NCALD: variants seen among roughly 807,000 people sequenced by gnomAD.
NCALD encodes neurocalcin delta.
In NCALD, 10 loss-of-function variants were observed where a neutral mutation model predicts 18.6. That is an observed-to-expected ratio of 0.54 (90% CI 0.33 to 0.91). The LOEUF (loss-of-function observed/expected upper bound fraction) is 0.91. Ranked by LOEUF, NCALD falls within the 40% of genes least tolerant of loss-of-function variation. The probability of loss-of-function intolerance (pLI) is 0.03; values close to 1 mark genes in which losing one functional copy is unlikely to be tolerated. For missense variants in NCALD, 184 were observed against 247.6 expected, an observed-to-expected ratio of 0.74 and a Z score of 1.72; for synonymous variants, 88 against 87.4, an observed-to-expected ratio of 1.01 and a Z score of -0.04.
chr8:101,903,065 C>G (rs1241324015), intron 3 of NCALD, among the ~76,000 whole-genome samples: 1 of 152,192 alleles, frequency 6.6e-6, no homozygotes, highest in Non-Finnish European at 1.5e-5. Context: ...TATGCGTGCT[C>G]CTTCCATCCC....
upstream of NCALD, among the ~76,000 whole-genome samples, chr8:101,792,717 G>T (rs1186394577): frequency 6.6e-6 from 1 of 152,108 alleles, no homozygotes; most frequent in African/African-American, 2.4e-5. Flanking sequence ...TACCCTTCTA[G>T]CTTTCCCTGG....
chr8:101,788,295 G>C (rs1318134938), intron 1 of NCALD, among the ~76,000 whole-genome samples: 8 of 152,034 alleles, frequency 5.3e-5, no homozygotes. Flanking sequence ...AACTTGGTTG[G>C]GAAAAATATT....
intron 1 of NCALD, among the ~76,000 whole-genome samples, chr8:101,730,221 C>G (rs1037504113): frequency 1.3e-5 from 2 of 152,080 alleles, no homozygotes; most frequent in Non-Finnish European, 2.9e-5. Flanking sequence ...GTGGCTCATG[C>G]CTCTAATCTC....
In NCALD at chr8:101,815,285, G is replaced by T. The variant is rs761072155; in HGVS notation, c.-20+71856C>A. Among the ~76,000 whole-genome samples, 144 of 152,014 alleles carry T rather than the reference G, an allele frequency of 9.5e-4. 1 individual carries two copies. Among genetic ancestry groups the T allele is most frequent in the Non-Finnish European group, 2.8e-4 (19 of 67,974 alleles). ...AGTGGACAAATAGATCAATGGAACAGAATAGAGACCTCAAAAATAGACCCA... is the reference window on the plus strand; with the variant it reads ...AGTGGACAAATAGATCAATGGAACATAATAGAGACCTCAAAAATAGACCCA... On this transcript the variant is annotated intron_variant, in intron 4 of 6. Transcript: ENST00000311028.
chr8:101,794,391 G>GA (rs1462402525), upstream of NCALD, among the ~76,000 whole-genome samples: 1 of 152,056 alleles, frequency 6.6e-6, no homozygotes, highest in African/African-American at 2.4e-5. Context: ...ATAGGGAAGA[G>GA]AGCCTCTCTC....
intron 4 of NCALD, among the ~76,000 whole-genome samples, chr8:101,845,003 G>T (rs1814806900): frequency 6.6e-6 from 1 of 152,132 alleles, no homozygotes; most frequent in African/African-American, 2.4e-5. Context: ...GTATACCATA[G>T]ACCTCAATTA....
chr8:101,994,282 A>T (rs187042938), intron 2 of NCALD, among the ~76,000 whole-genome samples: 368 of 152,246 alleles, frequency 2.4e-3, no homozygotes, highest in African/African-American at 8.4e-3. Flanking sequence ...TGAAGTCCCA[A>T]TCTGGTTCCA....
intron 2 of NCALD, among the ~76,000 whole-genome samples, chr8:102,002,428 G>T (rs1380914487): frequency 1.3e-5 from 2 of 152,046 alleles, no homozygotes; most frequent in Non-Finnish European, 2.9e-5. Context: ...AATAATAATG[G>T]GAGACTTTAA....
intron 1 of NCALD, among the ~76,000 whole-genome samples, chr8:102,082,447 C>G (rs759461688): frequency 6.6e-6 from 1 of 151,856 alleles, no homozygotes; most frequent in Non-Finnish European, 1.5e-5. Context: ...GAAATTGATA[C>G]AAATGAAAGG....
chr8:102,088,092 C>T (rs1251491375), intron 1 of NCALD, among the ~76,000 whole-genome samples: 2 of 152,168 alleles, frequency 1.3e-5, no homozygotes, highest in Non-Finnish European at 2.9e-5. Flanking sequence ...AGAGGGTTAC[C>T]TTAGGATAGA....
At chr8:101,691,723 T>C (rs1312812273) in intron 3 of NCALD, 2 of 985,236 alleles carry the variant, frequency 2.0e-6, no homozygotes, top group African/African-American at 1.7e-5. Flanking sequence ...GACAGGCCCA[T>C]ACCACACAAA....
chr8:102,078,750 C>T (rs1409775655), intron 1 of NCALD, among the ~76,000 whole-genome samples: 3 of 152,232 alleles, frequency 2.0e-5, no homozygotes, highest in Non-Finnish European at 2.9e-5. Flanking sequence ...TTCTTTAAAG[C>T]AGCATGACAT....
intron 2 of NCALD, among the ~76,000 whole-genome samples, chr8:102,005,778 C>T (rs1296931228): frequency 7.0e-6 from 1 of 143,760 alleles, no homozygotes; most frequent in Non-Finnish European, 1.5e-5. Flanking sequence ...ATCGCAAGGA[C>T]AAAAAAACCA....
At chr8:101,742,211 A>T (rs1388953079) in intron 1 of NCALD, among the ~76,000 whole-genome samples, 2 of 150,144 alleles carry the variant, frequency 1.3e-5, no homozygotes, top group Non-Finnish European at 3.0e-5. Flanking sequence ...CCAGCCTGGG[A>T]GTGAGACTCT....
intron 2 of NCALD, among the ~76,000 whole-genome samples, chr8:102,012,555 G>GGGGAGTAGCGGGATGTGTAATCAC (rs1821942519): frequency 6.6e-6 from 1 of 152,212 alleles, no homozygotes; most frequent in Non-Finnish European, 1.5e-5. Context: ...CCTCTAGTGC[G>GGGGAGTAGCGGGATGTGTAATCAC]GGGAGTAGCG....
chr8:101,696,045 A>C (rs1305763419), intron 2 of NCALD, among the ~76,000 whole-genome samples: 1 of 151,972 alleles, frequency 6.6e-6, no homozygotes, highest in Non-Finnish European at 1.5e-5. Flanking sequence ...TTAAAGACTT[A>C]ATCTGTCAAA....
chr8:101,777,640 C>T lies in NCALD; in HGVS notation c.-20+13222G>A, dbSNP rs536630882. On this transcript the variant is annotated intron_variant, in intron 1 of 3. Transcript: ENST00000220931. ...AAAAGTAAGGCATGTACCATGGCCTCGTGCCAATCATACATCAGCACACTG... is the reference window on the plus strand; with the variant it reads ...AAAAGTAAGGCATGTACCATGGCCTTGTGCCAATCATACATCAGCACACTG... 2.6e-4 allele frequency among the ~76,000 whole-genome samples: 39 copies of T among 152,286 alleles called. 1 individual carries two copies. In the South Asian group the frequency reaches 6.9e-3, roughly 27 times the overall value.
intron 2 of NCALD, among the ~76,000 whole-genome samples, chr8:101,983,606 G>A (rs1820701028): frequency 6.6e-6 from 1 of 152,192 alleles, no homozygotes; most frequent in Non-Finnish European, 1.5e-5. Context: ...GTGTGTATGT[G>A]TTGTGATGGA....
chr8:102,064,620 G>A (rs756203030), intron 1 of NCALD, among the ~76,000 whole-genome samples: 3 of 152,142 alleles, frequency 2.0e-5, no homozygotes, highest in Non-Finnish European at 4.4e-5. Flanking sequence ...AGCATTCCAC[G>A]ACAGAGAGCC....
Sources: gnomAD v4.1 joint callset for allele counts (sites outside exome capture counted in the v4.1 genomes callset) on GRCh38, gnomAD v4.1.1 for gene constraint, MANE v1.5 for transcripts, NCBI Gene and HGNC (gene_info 2026-07-23, HGNC 2026-07-21) for gene names.